The following PRMT8 variants were observed in gnomAD, a reference collection of about 807,000 sequenced individuals.
The protein encoded by PRMT8 is protein arginine methyltransferase 8, also known as protein arginine N-methyltransferase 8.
Under a neutral mutation model 47.1 loss-of-function variants are expected in PRMT8, and 7 were observed. The ratio of observed to expected loss-of-function variants is 0.15; its 90% CI spans 0.08 to 0.28. The LOEUF (loss-of-function observed/expected upper bound fraction) is 0.28. PRMT8 is among the 10% of genes least tolerant of loss of function. The pLI is 1.00. For synonymous variants in PRMT8, 188 were observed against 186.5 expected (o/e 1.01, Z -0.07); for missense variants, 237 against 505.4 (o/e 0.47, Z 5.09).
chr12:3,522,155 C>A (rs7957794), intron 1 of PRMT8, among the ~76,000 whole-genome samples: 27 of 152,132 alleles, frequency 1.8e-4, no homozygotes, highest in African/African-American at 6.5e-4. Context: ...GAAATTGTCC[C>A]CTTACAAGTT....
Position 3,550,203 on chromosome 12 carries a change from G to A in PRMT8, c.417+112G>A, listed in dbSNP as rs1389804039. On this transcript the variant is annotated intron_variant, in intron 3 of 9. Coordinates refer to ENST00000382622, the MANE Select transcript of PRMT8 (RefSeq NM_019854.5). This position sits in a 1 kb window ranked among gnomAD's most constrained non-coding sequence, Gnocchi z 5.1. ...AATTTGGTCCATCTCTTTTGCTGGG[G>A]TCACACCTTCGAGGAGTAGAAGAAA... 2 of 1,371,394 alleles carry A rather than the reference G, an allele frequency of 1.5e-6. No individual in the cohort carries two copies. The highest frequency in any genetic ancestry group is 1.0e-6 in the Non-Finnish European group (1 of 991,110). 85.0% of individuals were successfully genotyped at this position (1,371,394 alleles called of 1,614,324 possible). A position where few individuals can be genotyped will look rare whatever the true frequency, so the allele number is the denominator to read the frequency against.
chr12:3,398,247 T>C (rs1864281761), intron 1 of PRMT8, among the ~76,000 whole-genome samples: 1 of 152,190 alleles, frequency 6.6e-6, no homozygotes, highest in African/African-American at 2.4e-5. Flanking sequence ...ATTTGGATTT[T>C]ATACTGCAGG....
chr12:3,516,780 G>A (rs529648535), intron 1 of PRMT8, among the ~76,000 whole-genome samples: 1 of 152,094 alleles, frequency 6.6e-6, no homozygotes, highest in Non-Finnish European at 1.5e-5. Context: ...ATGCTTGTTT[G>A]TTGGCCTCCC....
chr12:3,432,091 G>A (rs1864686785), intron 1 of PRMT8, among the ~76,000 whole-genome samples: 1 of 152,174 alleles, frequency 6.6e-6, no homozygotes. Flanking sequence ...GAGGAGACGT[G>A]GGATCCCTTC....
At chr12:3,522,321 A>G (rs1375598856) in intron 1 of PRMT8, among the ~76,000 whole-genome samples, 2 of 152,186 alleles carry the variant, frequency 1.3e-5, no homozygotes, top group African/African-American at 4.8e-5. Context: ...TCTGAAGTTC[A>G]CAGTTCACCA....
rs775926128 is a variant in PRMT8 at position 3,469,218 on chromosome 12, A to G, written c.49-71388A>G. ...AAGTAGTCAGGAACAGATCTAGTGA[A>G]GCCAGCAAGGACCAAACACCCCCAT... On this transcript the variant is annotated intron_variant, in intron 1 of 9. Coordinates refer to the PRMT8 transcript ENST00000452611. 91 of 469,410 alleles carry G rather than the reference A, an allele frequency of 1.9e-4. No individual in the cohort carries two copies. In the Middle Eastern group the frequency reaches 3.0e-3, roughly 15 times the overall value. The allele number at this position is 469,410 out of a possible 1,614,324, so 29.1% of individuals were successfully genotyped here. A position where few individuals can be genotyped will look rare whatever the true frequency, so the allele number is the denominator to read the frequency against.
Position 3,409,536 on chromosome 12 carries a change from T to C in PRMT8, c.48+28094T>C, listed in dbSNP as rs553187299. Among the ~76,000 whole-genome samples the C allele has an allele frequency of 6.6e-6, 1 of 151,944 alleles. No individual in the cohort carries two copies. The highest frequency in any genetic ancestry group is 6.5e-5 in the Admixed American group (1 of 15,282). On this transcript the variant is annotated intron_variant, in intron 1 of 9. Coordinates refer to the PRMT8 transcript ENST00000452611. This position sits in a 1 kb window ranked among gnomAD's most constrained non-coding sequence, Gnocchi z 4.4. ...ATGGAGCAGCACAGCAATGACTCTATTCATCGAGGAGGTGGGGTGCTTCAG... is the reference window on the plus strand; with the variant it reads ...ATGGAGCAGCACAGCAATGACTCTACTCATCGAGGAGGTGGGGTGCTTCAG...
rs80315942 is a variant in PRMT8, at chr12:3,564,172, C to T, written c.482-4534C>T. On this transcript the variant is annotated intron_variant, in intron 4 of 9. Coordinates refer to ENST00000382622, the MANE Select transcript of PRMT8 (RefSeq NM_019854.5). This position sits in a 1 kb window ranked among gnomAD's most constrained non-coding sequence, Gnocchi z 4.0. Reference sequence around the variant, plus strand: ...GGACCAAGGGAGTGGGGAGGGCGAGCGAAGGGCTTTGCTGCAGTGGGGTTG... The same window carrying T: ...GGACCAAGGGAGTGGGGAGGGCGAGTGAAGGGCTTTGCTGCAGTGGGGTTG... Among the ~76,000 whole-genome samples the T allele has an allele frequency of 0.045, 6,870 of 152,036 alleles. 179 individuals are homozygous for T. The highest frequency in any genetic ancestry group is 0.085 in the East Asian group (440 of 5,180).
intron 1 of PRMT8, among the ~76,000 whole-genome samples, chr12:3,394,904 A>G (rs1396744375): frequency 6.6e-6 from 1 of 151,520 alleles, no homozygotes; most frequent in Admixed American, 6.6e-5. Context: ...TTATTGGTCT[A>G]TTCAGAGATT....
At chr12:3,428,979 T>C (rs1864641584) in intron 1 of PRMT8, among the ~76,000 whole-genome samples, 2 of 152,194 alleles carry the variant, frequency 1.3e-5, no homozygotes, top group East Asian at 1.9e-4. Context: ...TTTCCTTGAC[T>C]CCATCTTTGT....
chr12:3,518,652 A>G (rs1227071713), intron 1 of PRMT8, among the ~76,000 whole-genome samples: 1 of 152,126 alleles, frequency 6.6e-6, no homozygotes, highest in Admixed American at 6.5e-5. Flanking sequence ...TGGGATAACA[A>G]TAACCCCAGA....
intron 8 of PRMT8, among the ~76,000 whole-genome samples, chr12:3,587,531 A>G (rs1357722043): frequency 1.3e-5 from 2 of 152,134 alleles, no homozygotes; most frequent in Non-Finnish European, 2.9e-5. Context: ...CCCTGACTCA[A>G]TGACTGAAAT....
At chr12:3,425,848 A>C (rs1864598491) in intron 1 of PRMT8, among the ~76,000 whole-genome samples, 2 of 152,278 alleles carry the variant, frequency 1.3e-5, no homozygotes, top group Admixed American at 1.3e-4. Context: ...CAGAGTGCCC[A>C]GTAAAGGCCT....
chr12:3,478,742 G>T (rs978517440), intron 1 of PRMT8, among the ~76,000 whole-genome samples: 4 of 152,254 alleles, frequency 2.6e-5, no homozygotes, highest in Middle Eastern at 3.4e-3. Context: ...AAAATATTAG[G>T]GTCTCTCTCC....
rs533124203 is a variant in PRMT8 at position 3,464,123 on chromosome 12, G to A, written c.49-76483G>A. On this transcript the variant is annotated intron_variant, in intron 1 of 9. Coordinates refer to the PRMT8 transcript ENST00000452611. ...AGCGACCTTTGAGAGCAATGTGAAC[G>A]GCACGTTATTTTTATTAAGGAACAC... 2.6e-5 allele frequency among the ~76,000 whole-genome samples: 4 copies of A among 152,180 alleles called. No individual in the cohort carries two copies. In the East Asian group the frequency reaches 7.7e-4, roughly 29 times the overall value.
At chr12:3,478,899 A>C (rs1171192659) in intron 1 of PRMT8, among the ~76,000 whole-genome samples, 2 of 152,228 alleles carry the variant, frequency 1.3e-5, no homozygotes, top group East Asian at 3.8e-4. Flanking sequence ...TAGTTTTAAA[A>C]AATAAAAGTT....
At chr12:3,470,544 C>T (rs1865149996) in intron 1 of PRMT8, among the ~76,000 whole-genome samples, 2 of 152,132 alleles carry the variant, frequency 1.3e-5, no homozygotes, top group African/African-American at 2.4e-5. Flanking sequence ...ACTGTGAAGC[C>T]GTTGCTGGCG....
chr12:3,468,502 C>T (rs994255499), intron 1 of PRMT8, among the ~76,000 whole-genome samples: 6 of 152,214 alleles, frequency 3.9e-5, no homozygotes, highest in African/African-American at 7.2e-5. Flanking sequence ...CCAGTACCCA[C>T]GCCAGCTCCT....
At position 3,549,973 on chromosome 12, in the gene PRMT8, G is replaced by A. The variant is rs1411106712; in HGVS notation, c.299G>A (p.Arg100Gln). The change falls in exon 3 of 10, where the codon CGG becomes CAG. Residue 100 changes from arginine to glutamine, a missense_variant. Around this residue, in one of 5 missense-constraint regions of PRMT8, gnomAD observed 32 missense variants for 73.7 expected, o/e 0.43. Transcript: ENST00000382622. ...LKDEVRTLTYRNSMYHNKHVF... is the reference protein window; with the variant it reads ...LKDEVRTLTYQNSMYHNKHVF... ...GATGAGGTGCGGACTCTCACTTACC[G>A]GAACTCCATGTACCACAACAAGCAC... 1.2e-5 allele frequency: 19 copies of A among 1,613,988 alleles called. No homozygotes were observed. Among genetic ancestry groups the A allele is most frequent in the East Asian group, 2.2e-5 (1 of 44,888 alleles).
Sources: gnomAD v4.1 joint callset for allele counts (sites outside exome capture counted in the v4.1 genomes callset) on GRCh38, gnomAD v4.1.1 for gene constraint, gnomAD v4.1.1 regional missense constraint, Gnocchi (gnomAD v3.1) non-coding constraint, MANE v1.5 for transcripts, NCBI Gene and HGNC (gene_info 2026-07-23, HGNC 2026-07-21) for gene names.